Variants in ATG2B observed in about 807,000 individuals in gnomAD.
ATG2B encodes autophagy related 2B, also known as autophagy-related protein 2 homolog B.
A neutral mutation model predicts 241.3 loss-of-function variants in ATG2B; 121 were observed. The observed-to-expected ratio is 0.50, with a 90% CI of 0.43 to 0.58. The LOEUF (loss-of-function observed/expected upper bound fraction) is 0.58, where lower values mean the gene tolerates loss of function less well. Among genes scored for constraint, ATG2B ranks in the 20% least tolerant of loss-of-function variants. The pLI is 0.00. For missense variants in ATG2B, 2,306 were observed against 2,491.6 expected (o/e 0.93, Z 1.59); for synonymous variants, 858 against 876.6 (o/e 0.98, Z 0.37).
At position 96,332,387 on chromosome 14, in the gene ATG2B, G is replaced by A. The variant is rs774489785; in HGVS notation, c.1386C>T (p.Phe462=). The part of the protein sequence containing the change: ...ATVLQPTWGE[F]LDHHKEQPVR... ...CTGGCTGTTCTTTATGATGATCAAG[G>A]AACTCTCCCCAAGTGGGCTGAAGCT... Residue 462 remains phenylalanine (F), a synonymous_variant, in exon 10 of 42, where the codon TTC becomes TTT. Coordinates refer to ENST00000359933, the MANE Select transcript of ATG2B (RefSeq NM_018036.7). 1.2e-6 allele frequency: 2 copies of A among 1,613,638 alleles called. No individual in the cohort carries two copies. Among genetic ancestry groups the A allele is most frequent in the Non-Finnish European group, 1.7e-6 (2 of 1,179,746 alleles).
intron 1 of ATG2B, among the ~76,000 whole-genome samples, chr14:96,351,573 TA>T (rs779275257): frequency 7.6e-4 from 116 of 151,826 alleles, no homozygotes; most frequent in Non-Finnish European, 1.3e-3. Flanking sequence ...CTGTCTCTAC[TA>T]AAAGTACAAG....
chr14:96,317,096 TTTA>T, intron 20 of ATG2B, 46 bp downstream of exon 20: 1 of 1,480,472 alleles, frequency 6.8e-7, no homozygotes, highest in Non-Finnish European at 9.2e-7. Flanking sequence ...AGCAGATTTA[TTTA>T]AAGTAAGATA....
intron 38 of ATG2B, 35 bp downstream of exon 38, chr14:96,291,565 C>T (rs948066307): frequency 6.7e-7 from 1 of 1,487,348 alleles, no homozygotes; most frequent in African/African-American, 1.4e-5. Flanking sequence ...ACTTTGATAA[C>T]TTCACTTAAA....
rs1887740187 is a variant in ATG2B at position 96,331,659 on chromosome 14, T to C, written c.1469-22A>G. 2.6e-6 allele frequency: 4 copies of C among 1,534,562 alleles called. No homozygotes were observed. The Middle Eastern group carries it at 5.2e-4, about 200-fold the overall frequency. On this transcript the variant is annotated intron_variant, in intron 10 of 41. Coordinates refer to ENST00000359933, the MANE Select transcript of ATG2B (RefSeq NM_018036.7). ...AGAGCTAAAATACAAGTATTAAAAT[T>C]ATATACATAAAATTTGACACATAAA...
chr14:96,309,433 G>C lies in ATG2B; in HGVS notation c.4303+20C>G, dbSNP rs376231275. 1 of 1,602,280 alleles carries C rather than the reference G, an allele frequency of 6.2e-7. No individual in the cohort carries two copies. Among genetic ancestry groups the C allele is most frequent in the African/African-American group, 1.3e-5 (1 of 74,344 alleles). ...CCCAACATTAACATCAGTGCTCCCTGAGAAGAGTCCTGGTCTTACCATTAG... is the reference window on the plus strand; with the variant it reads ...CCCAACATTAACATCAGTGCTCCCTCAGAAGAGTCCTGGTCTTACCATTAG... On this transcript the variant is annotated intron_variant, in intron 29 of 41. Coordinates refer to ENST00000359933, the MANE Select transcript of ATG2B (RefSeq NM_018036.7).
chr14:96,344,506 A>T (rs1295686045), intron 4 of ATG2B, 148 bp downstream of exon 4: 1 of 454,858 alleles, frequency 2.2e-6, no homozygotes, highest in Non-Finnish European at 3.9e-6. Context: ...TTAGAATAAT[A>T]AAATTAGCAA....
Position 96,345,219 on chromosome 14 carries a change from C to T in ATG2B, c.478+14G>A. On this transcript the variant is annotated intron_variant, in intron 3 of 41. Transcript: ENST00000359933. ...TCAAATCTAAATTTTTGAAAATTCT[C>T]AGTAACACCAAACCTGTTTCAATGG... 2 of 1,599,044 alleles carry T rather than the reference C, an allele frequency of 1.3e-6. No individual in the cohort carries two copies. Among genetic ancestry groups the T allele is most frequent in the Non-Finnish European group, 8.5e-7 (1 of 1,174,872 alleles).
At chr14:96,345,962 T>C (rs1220159978) in intron 2 of ATG2B, among the ~76,000 whole-genome samples, 4 of 152,114 alleles carry the variant, frequency 2.6e-5, no homozygotes, top group Non-Finnish European at 2.9e-5. Flanking sequence ...GAAAAAATAA[T>C]AGTAAATTCT....
At chr14:96,339,910 A>G (rs1186111350) in intron 6 of ATG2B, among the ~76,000 whole-genome samples, 1 of 151,624 alleles carries the variant, frequency 6.6e-6, no homozygotes, top group Non-Finnish European at 1.5e-5. Context: ...GACAACAACA[A>G]AAACTAAAAA....
chr14:96,335,075 C>A (rs2139885102), intron 6 of ATG2B, among the ~76,000 whole-genome samples: 1 of 152,250 alleles, frequency 6.6e-6, no homozygotes, highest in South Asian at 2.1e-4. Context: ...GGTGGACTTC[C>A]TTTCTCTTTT....
chr14:96,287,343 A>G (rs553254107), intron 41 of ATG2B, among the ~76,000 whole-genome samples: 14 of 152,234 alleles, frequency 9.2e-5, no homozygotes, highest in African/African-American at 3.4e-4. Context: ...ACAGCCAATA[A>G]GAGAAACCAT....
chr14:96,333,741 G>C lies in ATG2B; in HGVS notation c.1154C>G (p.Ser385Cys). ...LRKDSLSVGV[S>C]SEQSFYETET... is the part of the protein sequence containing the mutation. ...TGTCTCATAAAAGCTTTGCTCTGAA[G>C]ATACACCCACAGAGAGGGAATCTTT... The change falls in exon 8 of 42, where the codon TCT (serine) becomes TGT (cysteine). Residue 385 changes from serine (S) to cysteine (C), a missense_variant. Ser to Cys is a moderately radical substitution (Grantham distance 112). This residue lies in a region of ATG2B where 1,927 missense variants were observed against 2,011.2 expected (regional missense o/e 0.96). Coordinates refer to ENST00000359933, the MANE Select transcript of ATG2B (RefSeq NM_018036.7). 1 of 1,613,902 alleles carries C rather than the reference G, an allele frequency of 6.2e-7. No individual in the cohort carries two copies. Among genetic ancestry groups the C allele is most frequent in the Non-Finnish European group, 8.5e-7 (1 of 1,179,884 alleles).
chr14:96,301,531 C>T (rs1370658385), intron 34 of ATG2B, among the ~76,000 whole-genome samples: 2 of 152,234 alleles, frequency 1.3e-5, no homozygotes, highest in East Asian at 3.8e-4. Flanking sequence ...GTGGATTTCA[C>T]TGTGCCCAAC....
rs1448816044 is a variant in ATG2B, at chr14:96,321,971, A to G, written c.2879+141T>C. 6.5e-6 allele frequency: 4 copies of G among 617,976 alleles called. No individual in the cohort carries two copies. The East Asian group carries it at 1.3e-4, about 19-fold the overall frequency. 38.3% of individuals were successfully genotyped at this position (617,976 alleles called of 1,614,324 possible). On this transcript the variant is annotated intron_variant, in intron 18 of 41. Transcript: ENST00000359933. ...ATGACAATAGCACATCATAACGGCA[A>G]TAGTCACCATCAACACCACACAAAG...
intron 1 of ATG2B, among the ~76,000 whole-genome samples, chr14:96,353,659 T>A (rs111266385): frequency 9.4e-5 from 14 of 148,854 alleles, no homozygotes; most frequent in East Asian, 3.9e-4. Flanking sequence ...TATATATATA[T>A]AAATCATTAA....
Position 96,295,152 on chromosome 14 carries a change from C to G in ATG2B, c.5234G>C (p.Gly1745Ala). 6.2e-7 allele frequency: 1 copy of G among 1,613,862 alleles called. No individual in the cohort carries two copies. The highest frequency in any genetic ancestry group is 2.2e-5 in the East Asian group (1 of 44,874). ...TPDPEVKKSP[G>A]ADVTCSLPRH... ...TGGCAAACTGCAGGTGACATCAGCT[C>G]CAGGAGACTTTTTAACTGAAAATGT... Residue 1745 changes from glycine (G) to alanine (A), a missense_variant, in exon 36 of 42, where the codon GGA becomes GCA. Coordinates refer to ENST00000359933, the MANE Select transcript of ATG2B (RefSeq NM_018036.7).
In ATG2B at chr14:96,328,456, T is replaced by C. The variant is rs746142540; in HGVS notation, c.2054A>G (p.Asp685Gly). The C allele has an allele frequency of 6.2e-7, 1 of 1,613,570 alleles. No individual in the cohort carries two copies. ...ATTTAACCTGTCCACAATACTGATA[T>C]CCAGCTCACAACACACTGGATTTAA... ...IKLNPVCCEL[D>G]ISIVDRLNSL... Residue 685 changes from aspartate (D) to glycine (G), a missense_variant, in exon 14 of 42, where the codon GAT becomes GGT. This residue lies in a region of ATG2B where 1,927 missense variants were observed against 2,011.2 expected (regional missense o/e 0.96). Coordinates refer to ENST00000359933, the MANE Select transcript of ATG2B (RefSeq NM_018036.7).
chr14:96,360,089 G>T (rs769262463), intron 1 of ATG2B, among the ~76,000 whole-genome samples: 1 of 152,250 alleles, frequency 6.6e-6, no homozygotes, highest in Non-Finnish European at 1.5e-5. Context: ...TTAAACAGTA[G>T]AATCTTTGTA....
chr14:96,351,585 A>G (rs1314600829), intron 1 of ATG2B, among the ~76,000 whole-genome samples: 1 of 152,018 alleles, frequency 6.6e-6, no homozygotes, highest in Non-Finnish European at 1.5e-5. Context: ...AAAGTACAAG[A>G]ATTAGCCAGG....
Sources: allele counts gnomAD v4.1 joint callset (sites outside exome capture counted in the v4.1 genomes callset), GRCh38; gene constraint gnomAD v4.1.1; regional missense constraint gnomAD v4.1.1; transcripts MANE v1.5; gene names NCBI Gene and HGNC (gene_info 2026-07-23, HGNC 2026-07-21).